The following MTR variants were observed in gnomAD, a reference collection of about 807,000 sequenced individuals.
The protein encoded by MTR is 5-methyltetrahydrofolate-homocysteine methyltransferase, also known as methionine synthase.
Under a neutral mutation model 154.8 loss-of-function variants are expected in MTR, and 84 were observed. That is an observed-to-expected ratio of 0.54 (90% confidence interval 0.45 to 0.65). The LOEUF (loss-of-function observed/expected upper bound fraction) is 0.65, where lower values mean the gene tolerates loss of function less well. Ranked by LOEUF, MTR falls within the 30% of genes least tolerant of loss-of-function variation. The probability of loss-of-function intolerance (pLI) is 0.00; values close to 1 mark genes in which losing one functional copy is unlikely to be tolerated. For synonymous variants in MTR, 554 were observed against 553.9 expected (o/e 1.00, Z 0.00); for missense variants, 1,275 against 1,570.2 (o/e 0.81, Z 3.18).
intron 15 of MTR, among the ~76,000 whole-genome samples, chr1:236,841,982 C>G (rs1201840472): frequency 6.6e-6 from 1 of 152,022 alleles, no homozygotes; most frequent in African/African-American, 2.4e-5. Context: ...GCTCCGCCCC[C>G]CGGGGTTCAC....
intron 13 of MTR, among the ~76,000 whole-genome samples, chr1:236,834,264 C>G (rs1662777546): frequency 6.6e-6 from 1 of 152,208 alleles, no homozygotes; most frequent in Admixed American, 6.5e-5. Context: ...ACTGCAACCT[C>G]CATCTCCCAG....
At chr1:236,868,857 G>A (rs538577832) in intron 22 of MTR, among the ~76,000 whole-genome samples, 4 of 152,186 alleles carry the variant, frequency 2.6e-5, no homozygotes, top group Admixed American at 6.5e-5. Context: ...TCAAAGATAC[G>A]GTAATGCAGT....
chr1:236,869,096 G>A (rs1664978920), intron 22 of MTR, among the ~76,000 whole-genome samples: 1 of 151,752 alleles, frequency 6.6e-6, no homozygotes, highest in South Asian at 2.1e-4. Context: ...CAGACAGGCT[G>A]CCACCTTAGT....
At chr1:236,819,235 C>G (rs1661777499) in intron 8 of MTR, among the ~76,000 whole-genome samples, 1 of 152,088 alleles carries the variant, frequency 6.6e-6, no homozygotes, top group Non-Finnish European at 1.5e-5. Flanking sequence ...TTTCATTGCC[C>G]CAAAAGTCCC....
chr1:236,867,426 G>A (rs1178068646), intron 22 of MTR, among the ~76,000 whole-genome samples: 1 of 152,132 alleles, frequency 6.6e-6, no homozygotes, highest in Non-Finnish European at 1.5e-5. Context: ...ACTCCTCATT[G>A]ACAGTGCACC....
intron 21 of MTR, 35 bp downstream of exon 21, chr1:236,862,378 T>G: frequency 1.9e-6 from 3 of 1,553,724 alleles, no homozygotes; most frequent in East Asian, 4.5e-5. Flanking sequence ...GGGCCTTTAG[T>G]GGGTTGACCT....
At chr1:236,853,528 A>G (rs1664038629) in intron 18 of MTR, among the ~76,000 whole-genome samples, 1 of 152,242 alleles carries the variant, frequency 6.6e-6, no homozygotes, top group Non-Finnish European at 1.5e-5. Flanking sequence ...AGGTACATAT[A>G]CATACATTTT....
At chr1:236,893,517 G>A (rs1666450626) in intron 29 of MTR, among the ~76,000 whole-genome samples, 1 of 152,154 alleles carries the variant, frequency 6.6e-6, no homozygotes, top group African/African-American at 2.4e-5. Flanking sequence ...AAATGGAGCT[G>A]ATGGTATCAC....
chr1:236,866,382 A>AAT (rs1050540041), intron 22 of MTR, among the ~76,000 whole-genome samples: 6 of 152,198 alleles, frequency 3.9e-5, no homozygotes, highest in African/African-American at 1.4e-4. Context: ...TTAATCCATA[A>AAT]ATATATATAT....
chr1:236,800,471 CA>C lies in MTR; in HGVS notation c.35-2956del, dbSNP rs1236284682. ...TTGAGAAGAAAGCGATTCAGCTGGGCATGTAGGTTAGAGTCTTTAGTTCTTA... is the reference window on the plus strand; with the variant it reads ...TTGAGAAGAAAGCGATTCAGCTGGGCTGTAGGTTAGAGTCTTTAGTTCTTA... On this transcript the variant is annotated intron_variant, in intron 1 of 32. Coordinates refer to ENST00000366577, the MANE Select transcript of MTR (RefSeq NM_000254.3). 1.0e-5 allele frequency: 10 copies of C among 985,194 alleles called. No homozygotes were observed. The African/African-American group carries it at 1.6e-4, about 15-fold the overall frequency. The allele number at this position is 985,194 out of a possible 1,614,324, so 61.0% of individuals were successfully genotyped here.
At chr1:236,849,092 A>G (rs534326846) in intron 15 of MTR, among the ~76,000 whole-genome samples, 10 of 152,312 alleles carry the variant, frequency 6.6e-5, no homozygotes, top group Admixed American at 2.0e-4. Context: ...TTTTAAGAGT[A>G]GATTTGATTT....
chr1:236,838,614 T>C lies in MTR; in HGVS notation c.1515+15T>C, dbSNP rs1383475212. The C allele has an allele frequency of 6.2e-7, 1 of 1,613,898 alleles. No individual in the cohort carries two copies. The highest frequency in any genetic ancestry group is 1.7e-4 in the Middle Eastern group (1 of 6,046). On this transcript the variant is annotated intron_variant, in intron 15 of 32. Transcript: ENST00000366577. ...AAGAAGGACAGGTGAGTGGTTTCTT[T>C]TGGCCTAATCCATTGTGTTTCCCAG...
At chr1:236,805,528 T>C (rs1660930885) in intron 2 of MTR, among the ~76,000 whole-genome samples, 1 of 141,008 alleles carries the variant, frequency 7.1e-6, no homozygotes, top group Non-Finnish European at 1.5e-5. Flanking sequence ...TCACTCAGGC[T>C]GGAGTGCAGT....
intron 15 of MTR, among the ~76,000 whole-genome samples, chr1:236,841,238 C>T (rs769054367): frequency 3.3e-5 from 5 of 152,174 alleles, no homozygotes; most frequent in Non-Finnish European, 5.9e-5. Flanking sequence ...TTACTTTTAT[C>T]CTTCCCAATA....
chr1:236,810,725 A>ACGT (rs1661253948), intron 5 of MTR, 130 bp downstream of exon 5: 2 of 772,000 alleles, frequency 2.6e-6, no homozygotes, highest in African/African-American at 3.4e-5. Flanking sequence ...TCCATGTAAA[A>ACGT]CGTGTACAGC....
intron 8 of MTR, 66 bp downstream of exon 8, chr1:236,816,609 T>C (rs1661607777): frequency 3.0e-6 from 4 of 1,318,928 alleles, no homozygotes; most frequent in South Asian, 1.2e-5. Context: ...GGCTGTGGAG[T>C]GTGACCTGGG....
intron 16 of MTR, 103 bp downstream of exon 16, chr1:236,850,626 T>C: frequency 9.0e-7 from 1 of 1,113,144 alleles, no homozygotes; most frequent in Non-Finnish European, 1.3e-6. Flanking sequence ...GATGAAATGT[T>C]AACATTCTTA....
At chr1:236,842,804 G>A (rs1379391494) in intron 15 of MTR, among the ~76,000 whole-genome samples, 1 of 109,868 alleles carries the variant, frequency 9.1e-6, no homozygotes, top group Non-Finnish European at 2.1e-5. Flanking sequence ...ATATATAATT[G>A]GCCAGGTGCA....
rs532114929 is a variant in MTR at position 236,816,526 on chromosome 1, T to C, written c.747T>C (p.Ser249=). 1 of 1,614,116 alleles carries C rather than the reference T, an allele frequency of 6.2e-7. No individual in the cohort carries two copies. Among genetic ancestry groups the C allele is most frequent in the South Asian group, 1.1e-5 (1 of 91,086 alleles). Residue 249 remains serine, a synonymous_variant, in exon 8 of 33, where the codon TCT becomes TCC. Transcript: ENST00000366577. The stretch of plus-strand genomic sequence containing the variant: ...GAGAGGGATTTGTCATCAGCGTGTC[T>C]CATGGAGAACCACTCTGGTGAGTGA... The part of the protein sequence containing the change: ...QTGEGFVISV[S]HGEPLCIGLN...
Sources: gnomAD v4.1 joint callset for allele counts (sites outside exome capture counted in the v4.1 genomes callset) on GRCh38, gnomAD v4.1.1 for gene constraint, MANE v1.5 for transcripts, NCBI Gene and HGNC (gene_info 2026-07-23, HGNC 2026-07-21) for gene names.